Variants in ATXN10 observed in about 807,000 individuals in gnomAD.
The protein encoded by ATXN10 is ataxin-10.
In ATXN10, 28 loss-of-function variants were observed where a neutral mutation model predicts 52.9. The ratio of observed to expected loss-of-function variants is 0.53; its 90% CI spans 0.39 to 0.73. The LOEUF is 0.73. Ranked by LOEUF, ATXN10 falls within the 30% of genes least tolerant of loss-of-function variation. ATXN10 has a pLI of 0.00. For synonymous variants in ATXN10, 226 were observed against 221.5 expected, an observed-to-expected ratio of 1.02 and a Z score of -0.18; for missense variants, 565 against 577.0, an observed-to-expected ratio of 0.98 and a Z score of 0.21.
chr22:45,806,869 G>A (rs1488342002), intron 9 of ATXN10, 90 bp from the exon 10 acceptor site: 1 of 996,006 alleles, frequency 1.0e-6, no homozygotes, highest in Non-Finnish European at 1.6e-6. Context: ...ATAACATTGA[G>A]TAAGAAAACA....
At position 45,786,382 on chromosome 22, in the gene ATXN10, A is replaced by G. The variant is rs1927324063; in HGVS notation, c.1174-20577A>G. ...TCTTTTTGGAGGTGTCATGGGGAGC[A>G]GGGTTAGTTTATGGGATGCAGTCTC... On this transcript the variant is annotated intron_variant, in intron 9 of 11. Coordinates refer to ENST00000252934, the MANE Select transcript of ATXN10 (RefSeq NM_013236.4). This position sits in a 1 kb window ranked among gnomAD's most constrained non-coding sequence, Gnocchi z 4.1. Among the ~76,000 whole-genome samples, 1 of 152,176 alleles carries G rather than the reference A, an allele frequency of 6.6e-6. No individual in the cohort carries two copies. Among genetic ancestry groups the G allele is most frequent in the African/African-American group, 2.4e-5 (1 of 41,438 alleles).
In ATXN10 at chr22:45,840,309, A is replaced by G. The variant is rs9626458; in HGVS notation, c.1238-2682A>G. Among the ~76,000 whole-genome samples, 16,623 of 151,946 alleles carry G rather than the reference A, an allele frequency of 0.11. 969 individuals carry two copies. The highest frequency in any genetic ancestry group is 0.15 in the Middle Eastern group (44 of 294). ...ACAGACTCATAAGCAGATGAGTACAATGCAGTGTGATGAGAACTGTTAAAA... is the reference window on the plus strand; with the variant it reads ...ACAGACTCATAAGCAGATGAGTACAGTGCAGTGTGATGAGAACTGTTAAAA... On this transcript the variant is annotated intron_variant, in intron 10 of 11. Transcript: ENST00000252934. The surrounding 1 kb of genome is among the most constrained non-coding windows in gnomAD (Gnocchi z 5.8).
rs965732826 is a variant in ATXN10, at chr22:45,757,958, G to GA, written c.1173+17427dup. The stretch of plus-strand genomic sequence containing the variant: ...ACTTCTTTTGAAATTTGTAAAAGAA[G>GA]AAAAAAAGTTGAGCTTTTGTGATGA... On this transcript the variant is annotated intron_variant, in intron 9 of 11. Coordinates refer to ENST00000252934, the MANE Select transcript of ATXN10 (RefSeq NM_013236.4). This position sits in a 1 kb window ranked among gnomAD's most constrained non-coding sequence, Gnocchi z 4.6. Among the ~76,000 whole-genome samples the GA allele has an allele frequency of 3.9e-5, 6 of 152,228 alleles. No individual in the cohort carries two copies. The highest frequency in any genetic ancestry group is 7.2e-5 in the African/African-American group (3 of 41,542).
intron 9 of ATXN10, 173 bp downstream of exon 9, chr22:45,740,711 CACACACACATAT>C (rs1333241561): frequency 3.1e-6 from 1 of 327,396 alleles, no homozygotes; most frequent in African/African-American, 4.0e-5. Context: ...CACACACACA[CACACACACATAT>C]ATATACACAC....
Position 45,815,675 on chromosome 22 carries a change from CA to C in ATXN10, c.1237+8655del, listed in dbSNP as rs542289077. On this transcript the variant is annotated intron_variant, in intron 10 of 11. Transcript: ENST00000252934. ...GTTGGAAAAAATTGTTTCCATTTTA[CA>C]AGTGAGAAAACTAAAGCTCTTGAGA... Among the ~76,000 whole-genome samples the C allele has an allele frequency of 1.0e-4, 15 of 145,674 alleles. No individual in the cohort carries two copies. The South Asian group carries it at 2.2e-3, about 21-fold the overall frequency.
At chr22:45,814,102 AAG>A (rs1181787118) in intron 10 of ATXN10, among the ~76,000 whole-genome samples, 2 of 152,242 alleles carry the variant, frequency 1.3e-5, no homozygotes, top group Admixed American at 1.3e-4. Flanking sequence ...GGTAAAACAA[AAG>A]AGCTTCTAGA....
intron 9 of ATXN10, chr22:45,792,792 G>A (rs1045104221): frequency 1.8e-5 from 9 of 509,092 alleles, no homozygotes; most frequent in African/African-American, 1.8e-4. Flanking sequence ...ATCCAATTTT[G>A]TGACATCATT....
At chr22:45,686,738 G>A (rs1923154493) in intron 1 of ATXN10, among the ~76,000 whole-genome samples, 1 of 150,886 alleles carries the variant, frequency 6.6e-6, no homozygotes, top group South Asian at 2.1e-4. Context: ...AGAATCACTT[G>A]AACCCAGGAG....
At chr22:45,829,799 A>G (rs1281710834) in intron 10 of ATXN10, among the ~76,000 whole-genome samples, 1 of 152,202 alleles carries the variant, frequency 6.6e-6, no homozygotes, top group African/African-American at 2.4e-5. Flanking sequence ...AGTACTGCTC[A>G]GAGCAATTAC....
chr22:45,680,684 G>C (rs1467368826), intron 1 of ATXN10, among the ~76,000 whole-genome samples: 1 of 150,210 alleles, frequency 6.7e-6, no homozygotes, highest in Admixed American at 6.6e-5. Flanking sequence ...GGCTGGTCTT[G>C]AACTCCTGGG....
intron 1 of ATXN10, chr22:45,674,991 T>C (rs537956179): frequency 1.3e-4 from 20 of 152,352 alleles, no homozygotes; most frequent in African/African-American, 4.8e-4. Context: ...TTGTGAGGCT[T>C]CTTGTTTCTT....
chr22:45,744,350 A>G lies in ATXN10; in HGVS notation c.1173+3812A>G, dbSNP rs1222964242. 2.0e-5 allele frequency: 3 copies of G among 152,270 alleles called. No individual in the cohort carries two copies. The highest frequency in any genetic ancestry group is 4.4e-5 in the Non-Finnish European group (3 of 68,084). The allele number at this position is 152,270 out of a possible 1,614,324, so 9.4% of individuals were successfully genotyped here. A position where few individuals can be genotyped will look rare whatever the true frequency, so the allele number is the denominator to read the frequency against. ...TGTAACTTCATCCATTGCAGTGAGT[A>G]TGGTGCCCACCTGCTGGATGGCCCT... On this transcript the variant is annotated intron_variant, in intron 9 of 11. Transcript: ENST00000252934. The surrounding 1 kb of genome is among the most constrained non-coding windows in gnomAD (Gnocchi z 4.9).
In ATXN10 at chr22:45,738,483, A is replaced by G. The variant is rs1007860067; in HGVS notation, c.895-248A>G. ...AGAACTTTTCTGACTCTTTGCTCCA[A>G]GAAGACACATAATGACACATAATCT... On this transcript the variant is annotated intron_variant, in intron 7 of 11. Coordinates refer to ENST00000252934, the MANE Select transcript of ATXN10 (RefSeq NM_013236.4). 2.9e-5 allele frequency: 13 copies of G among 447,842 alleles called. No homozygotes were observed. The East Asian group carries it at 3.7e-4, about 13-fold the overall frequency. 27.7% of individuals were successfully genotyped at this position (447,842 alleles called of 1,614,324 possible). A position where few individuals can be genotyped will look rare whatever the true frequency, so the allele number is the denominator to read the frequency against.
intron 10 of ATXN10, among the ~76,000 whole-genome samples, chr22:45,811,387 A>G (rs1394566754): frequency 5.3e-5 from 8 of 152,140 alleles, no homozygotes; most frequent in African/African-American, 1.2e-4. Context: ...TTTCTTGTAT[A>G]AAGTATATAC....
intron 9 of ATXN10, among the ~76,000 whole-genome samples, chr22:45,794,556 G>T (rs1314484546): frequency 6.6e-6 from 1 of 151,592 alleles, no homozygotes; most frequent in Non-Finnish European, 1.5e-5. Context: ...AATCTTCTCT[G>T]TAGTGTTGTT....
chr22:45,817,137 C>T (rs1408633810), intron 10 of ATXN10, among the ~76,000 whole-genome samples: 3 of 152,154 alleles, frequency 2.0e-5, no homozygotes, highest in Non-Finnish European at 4.4e-5. Flanking sequence ...ACTAGGACAT[C>T]TTCCTGCCAA....
Position 45,795,353 on chromosome 22 carries a change from GGATT to G in ATXN10, c.1174-11605_1174-11602del. ...TATCCAACTAAAAGACTACTAGAAT[GGATT>G]CTATTCTATTCTATTCTATTCTATT... On this transcript the variant is annotated intron_variant, in intron 9 of 11. Coordinates refer to ENST00000252934, the MANE Select transcript of ATXN10 (RefSeq NM_013236.4). This position sits in a 1 kb window ranked among gnomAD's most constrained non-coding sequence, Gnocchi z 4.6. Among the ~76,000 whole-genome samples, 1 of 137,088 alleles carries G rather than the reference GGATT, an allele frequency of 7.3e-6. No homozygotes were observed. The highest frequency in any genetic ancestry group is 2.4e-4 in the South Asian group (1 of 4,140). The allele number at this position is 137,088 out of a possible 152,430, so 89.9% of individuals were successfully genotyped here.
intron 8 of ATXN10, 70 bp from the exon 9 acceptor site, chr22:45,740,299 G>A: frequency 6.8e-7 from 1 of 1,475,392 alleles, no homozygotes; most frequent in Non-Finnish European, 9.5e-7. Context: ...TTTGTCTATG[G>A]AAAACTATTA....
intron 5 of ATXN10, among the ~76,000 whole-genome samples, chr22:45,707,043 A>C (rs1924068590): frequency 6.6e-6 from 1 of 150,814 alleles, no homozygotes; most frequent in Non-Finnish European, 1.5e-5. Context: ...GTACACACAC[A>C]CATGTTTATA....
Sources: gnomAD v4.1 joint callset for allele counts (sites outside exome capture counted in the v4.1 genomes callset) on GRCh38, gnomAD v4.1.1 for gene constraint, Gnocchi (gnomAD v3.1) non-coding constraint, MANE v1.5 for transcripts, NCBI Gene and HGNC (gene_info 2026-07-23, HGNC 2026-07-21) for gene names.